SORBS2: variants seen among roughly 807,000 people sequenced by gnomAD.
The protein encoded by SORBS2 is sorbin and SH3 domain-containing protein 2.
A neutral mutation model predicts 97.7 loss-of-function variants in SORBS2; 46 were observed. That is an observed-to-expected ratio of 0.47 (90% CI 0.37 to 0.60). SORBS2 has a LOEUF of 0.60. SORBS2 is among the 20% of genes least tolerant of loss of function. SORBS2 has a pLI of 0.00. For missense variants in SORBS2, 1,316 were observed against 1,282.3 expected, an observed-to-expected ratio of 1.03 and a Z score of -0.40; for synonymous variants, 476 against 473.4, an observed-to-expected ratio of 1.01 and a Z score of -0.07.
chr4:185,879,739 G>A (rs977222440), intron 1 of SORBS2, among the ~76,000 whole-genome samples: 1 of 151,868 alleles, frequency 6.6e-6, no homozygotes, highest in African/African-American at 2.4e-5. Context: ...GTATCTCATT[G>A]CGGTTTTGAT....
In SORBS2 at chr4:185,749,196, A is replaced by G. The variant is rs143548721; in HGVS notation, c.-198+26031T>C. ...TGGATGCTGCTCCAAGCCATCTGGG[A>G]GGGAGACAGGTGCAGGGACAGTCAG... is the stretch of plus-strand genomic sequence containing the variant. On this transcript the variant is annotated intron_variant, in intron 2 of 20. Coordinates refer to the SORBS2 transcript ENST00000284776. 2.0e-3 allele frequency among the ~76,000 whole-genome samples: 298 copies of G among 152,260 alleles called. 1 individual carries two copies. The highest frequency in any genetic ancestry group is 6.6e-3 in the African/African-American group (276 of 41,536).
chr4:185,661,131 C>T (rs2097511397), upstream of SORBS2, among the ~76,000 whole-genome samples: 3 of 151,894 alleles, frequency 2.0e-5, no homozygotes, highest in South Asian at 2.1e-4. Flanking sequence ...ACAAAATTAG[C>T]TGGGTGCGGT....
chr4:185,824,414 T>C (rs1184913951), intron 1 of SORBS2, among the ~76,000 whole-genome samples: 1 of 152,206 alleles, frequency 6.6e-6, no homozygotes, highest in Non-Finnish European at 1.5e-5. Context: ...CTTGCCTTGT[T>C]ACATCTGCAA....
At chr4:185,662,303 C>A in intron 4 of SORBS2, 61 bp from the exon 8 acceptor site, 1 of 1,499,292 alleles carries the variant, frequency 6.7e-7, no homozygotes, top group Non-Finnish European at 9.0e-7. Context: ...AACATCATTC[C>A]ATTAGGTGAT....
At chr4:185,731,447 C>CCCCT (rs1206222091) in intron 2 of SORBS2, among the ~76,000 whole-genome samples, 1 of 137,114 alleles carries the variant, frequency 7.3e-6, no homozygotes, top group African/African-American at 2.9e-5. Flanking sequence ...GTGTTCTCTC[C>CCCCT]CCCTCCCTCC....
In SORBS2 at chr4:185,621,973, A is replaced by G. The variant is rs58573219; in HGVS notation, c.2215+941T>C. On this transcript the variant is annotated intron_variant, in intron 7 of 14. Coordinates refer to ENST00000418609, the Ensembl canonical transcript of SORBS2. ...CACTCTGTAGTGTCTGGTGCATAGA[A>G]GTTTCTCTGTTGACCAACTTTCAGC... Among the ~76,000 whole-genome samples the G allele has an allele frequency of 9.5e-3, 1,440 of 152,344 alleles. 18 individuals carry two copies. Among genetic ancestry groups the G allele is most frequent in the African/African-American group, 0.033 (1,361 of 41,590 alleles).
intron 1 of SORBS2, among the ~76,000 whole-genome samples, chr4:185,778,080 G>C (rs971852101): frequency 6.6e-6 from 1 of 152,168 alleles, no homozygotes; most frequent in African/African-American, 2.4e-5. Flanking sequence ...GACATAGTAT[G>C]TTAAATAGGA....
intron 1 of SORBS2, among the ~76,000 whole-genome samples, chr4:185,784,860 G>T (rs1404014305): frequency 6.6e-6 from 1 of 152,146 alleles, no homozygotes; most frequent in Non-Finnish European, 1.5e-5. Flanking sequence ...AGCAAAATCT[G>T]CCATGAAAAA....
chr4:185,741,388 CTTTTCTTTTTTTT>C (rs1390880814), intron 2 of SORBS2, among the ~76,000 whole-genome samples: 1 of 134,268 alleles, frequency 7.4e-6, no homozygotes, highest in Non-Finnish European at 1.6e-5. Flanking sequence ...TTCTTTCTTT[CTTTTCTTTTTTTT>C]TTGTTTTTTT....
At chr4:185,585,901 T>C (rs1313865846) in exon 15 of SORBS2, 2 of 152,272 alleles carry the variant, frequency 1.3e-5, no homozygotes, top group East Asian at 3.8e-4. Context: ...GATATGTACA[T>C]TTCATTTGGC....
rs549132864 is a variant in SORBS2 at position 185,808,607 on chromosome 4, A to G, written c.-337-33241T>C. 4.6e-5 allele frequency among the ~76,000 whole-genome samples: 7 copies of G among 152,320 alleles called. No homozygotes were observed. The East Asian group carries it at 1.4e-3, about 29-fold the overall frequency. On this transcript the variant is annotated intron_variant, in intron 1 of 20. Transcript: ENST00000284776. ...AGAATATTCTCTCCCTTACCCAGGTACTCAAGTTGTAGGGTAACATAACTA... is the reference window on the plus strand; with the variant it reads ...AGAATATTCTCTCCCTTACCCAGGTGCTCAAGTTGTAGGGTAACATAACTA...
At chr4:185,910,954 A>AT (rs66528510) in intron 1 of SORBS2, among the ~76,000 whole-genome samples, 1 of 140,194 alleles carries the variant, frequency 7.1e-6, no homozygotes, top group African/African-American at 2.6e-5. Context: ...GCGGTGTTTG[A>AT]TTTTTTAAAA....
At chr4:185,935,529 T>C (rs1391763853) in intron 1 of SORBS2, among the ~76,000 whole-genome samples, 8 of 152,184 alleles carry the variant, frequency 5.3e-5, no homozygotes. Flanking sequence ...ATTAAGACAT[T>C]AGATCATTAG....
At chr4:185,914,446 C>G (rs1478100306) in intron 1 of SORBS2, among the ~76,000 whole-genome samples, 1 of 152,196 alleles carries the variant, frequency 6.6e-6, no homozygotes, top group Non-Finnish European at 1.5e-5. Context: ...ATCTAGCCTA[C>G]AGAGTTGCTA....
chr4:185,890,583 A>G (rs1452292908), intron 1 of SORBS2, among the ~76,000 whole-genome samples: 1 of 152,116 alleles, frequency 6.6e-6, no homozygotes, highest in Non-Finnish European at 1.5e-5. Flanking sequence ...CCACAGTCTC[A>G]CCCTGACGGC....
rs1411133373 is a variant in SORBS2, at chr4:185,625,197, C to G, written c.635-703G>C. 2.6e-5 allele frequency among the ~76,000 whole-genome samples: 4 copies of G among 152,168 alleles called. 1 individual carries two copies. The highest frequency in any genetic ancestry group is 5.9e-5 in the Non-Finnish European group (4 of 68,028). ...AACCTTTTATTAGGTACAAAATTCT[C>G]ATAGGAAAACTGAATATAATGCAAA... is the stretch of plus-strand genomic sequence containing the variant. On this transcript the variant is annotated intron_variant, in intron 6 of 14. Coordinates refer to ENST00000418609, the Ensembl canonical transcript of SORBS2.
At chr4:185,950,945 T>C (rs2099276927) in intron 1 of SORBS2, among the ~76,000 whole-genome samples, 1 of 152,172 alleles carries the variant, frequency 6.6e-6, no homozygotes, top group Admixed American at 6.5e-5. Flanking sequence ...GTATTTCCCC[T>C]GTGCTGCTGG....
intron 12 of SORBS2, among the ~76,000 whole-genome samples, chr4:185,601,849 T>C (rs937231729): frequency 2.6e-5 from 4 of 152,084 alleles, no homozygotes; most frequent in African/African-American, 9.7e-5. Flanking sequence ...TGACGAGACT[T>C]CCTGGTGGGA....
intron 2 of SORBS2, among the ~76,000 whole-genome samples, chr4:185,703,714 CA>C: frequency 6.6e-6 from 1 of 152,314 alleles, no homozygotes; most frequent in East Asian, 1.9e-4. Flanking sequence ...CTATGACCCA[CA>C]AAAACTTCAA....
Sources: gnomAD v4.1 joint callset for allele counts (sites outside exome capture counted in the v4.1 genomes callset) on GRCh38, gnomAD v4.1.1 for gene constraint, MANE v1.5 for transcripts, NCBI Gene and HGNC (gene_info 2026-07-23, HGNC 2026-07-21) for gene names.